SPSB1: variants seen among roughly 807,000 people sequenced by gnomAD.
SPSB1 encodes the protein SPRY domain-containing SOCS box protein 1.
In SPSB1, 8 loss-of-function variants were observed where a neutral mutation model predicts 21.2. That is an observed-to-expected ratio of 0.38 (90% CI 0.22 to 0.68). The LOEUF is 0.68. Among genes scored for constraint, SPSB1 ranks in the 30% least tolerant of loss-of-function variants. SPSB1 has a pLI of 0.53. For synonymous variants in SPSB1, 169 were observed against 161.7 expected (o/e 1.05, Z -0.34); for missense variants, 242 against 377.8 (o/e 0.64, Z 2.98).
At chr1:9,351,777 A>T (rs974568652) in intron 1 of SPSB1, among the ~76,000 whole-genome samples, 2 of 152,214 alleles carry the variant, frequency 1.3e-5, no homozygotes, top group African/African-American at 4.8e-5. Flanking sequence ...CTTTAACCAT[A>T]GCCTGGACAC....
chr1:9,320,528 T>C (rs1283354132), intron 1 of SPSB1, among the ~76,000 whole-genome samples: 1 of 152,332 alleles, frequency 6.6e-6, no homozygotes, highest in East Asian at 1.9e-4. Context: ...AGATGTTTTG[T>C]GTATAGTGGC....
intron 1 of SPSB1, among the ~76,000 whole-genome samples, chr1:9,352,504 G>A (rs1369384128): frequency 2.0e-5 from 3 of 152,276 alleles, no homozygotes; most frequent in South Asian, 4.1e-4. Context: ...GCTTTTGTGC[G>A]ACAACAGCAG....
chr1:9,299,460 G>A (rs1222564098), intron 1 of SPSB1, among the ~76,000 whole-genome samples: 2 of 151,180 alleles, frequency 1.3e-5, no homozygotes, highest in Non-Finnish European at 1.5e-5. Flanking sequence ...GCAACACAGT[G>A]AGACGTCATC....
intron 1 of SPSB1, among the ~76,000 whole-genome samples, chr1:9,313,234 T>TA (rs1371872913): frequency 5.9e-5 from 9 of 151,800 alleles, no homozygotes; most frequent in Non-Finnish European, 8.8e-5. Context: ...CTGTCTCTAC[T>TA]AAAAAAATAC....
intron 1 of SPSB1, among the ~76,000 whole-genome samples, chr1:9,349,403 AG>A (rs1182336693): frequency 6.6e-6 from 1 of 152,220 alleles, no homozygotes; most frequent in African/African-American, 2.4e-5. Context: ...GTGCCGGGCC[AG>A]GAGTGGGGGT....
At chr1:9,316,499 G>T (rs1012996489) in intron 1 of SPSB1, among the ~76,000 whole-genome samples, 1 of 152,224 alleles carries the variant, frequency 6.6e-6, no homozygotes, top group Admixed American at 6.5e-5. Flanking sequence ...GTAGGGCAGG[G>T]TCCTAGGGGG....
chr1:9,333,208 C>A (rs1207268430), intron 1 of SPSB1, among the ~76,000 whole-genome samples: 1 of 152,222 alleles, frequency 6.6e-6, no homozygotes, highest in Non-Finnish European at 1.5e-5. Flanking sequence ...AGCCATCTGT[C>A]ACTTCCTGGA....
At chr1:9,318,932 G>A (rs1639659449) in intron 1 of SPSB1, among the ~76,000 whole-genome samples, 1 of 152,144 alleles carries the variant, frequency 6.6e-6, no homozygotes, top group African/African-American at 2.4e-5. Flanking sequence ...GCTCACACCT[G>A]TAATCCCAGT....
chr1:9,331,088 TC>T (rs2100492426), intron 1 of SPSB1, among the ~76,000 whole-genome samples: 1 of 152,320 alleles, frequency 6.6e-6, no homozygotes, highest in African/African-American at 2.4e-5. Flanking sequence ...CCTTTCATAT[TC>T]TGTCGTGCTC....
intron 1 of SPSB1, among the ~76,000 whole-genome samples, chr1:9,311,860 C>T (rs1049373000): frequency 2.6e-5 from 4 of 152,048 alleles, no homozygotes; most frequent in Admixed American, 6.5e-5. Context: ...GGCACTGAGC[C>T]CTGTTTCATC....
In SPSB1 at chr1:9,355,864, C is replaced by T. The variant is rs1039777853; in HGVS notation, c.-28C>T. On this transcript the variant is annotated 5_prime_UTR_variant, in exon 2 of 3. Transcript: ENST00000328089. ...AGATTGATGAGTTTGCCTTGGGAGT[C>T]GGTAAGAAGGTGAAGCCAGGGGCGA... is the stretch of plus-strand genomic sequence containing the variant. The T allele has an allele frequency of 7.9e-6, 12 of 1,521,876 alleles. No individual in the cohort carries two copies. In the East Asian group the frequency reaches 1.1e-4, roughly 14 times the overall value. 94.3% of individuals were successfully genotyped at this position (1,521,876 alleles called of 1,614,324 possible). A position where few individuals can be genotyped will look rare whatever the true frequency, so the allele number is the denominator to read the frequency against.
chr1:9,300,194 G>A (rs768184249), intron 1 of SPSB1, among the ~76,000 whole-genome samples: 1 of 152,196 alleles, frequency 6.6e-6, no homozygotes, highest in Non-Finnish European at 1.5e-5. Flanking sequence ...CTAAGGTGAA[G>A]AATAAGTTGT....
chr1:9,323,222 G>A (rs1639752933), intron 1 of SPSB1, among the ~76,000 whole-genome samples: 1 of 152,244 alleles, frequency 6.6e-6, no homozygotes, highest in Admixed American at 6.5e-5. Flanking sequence ...AAGTGCCCTG[G>A]CTGGGCTGGC....
In SPSB1 at chr1:9,367,440, C is replaced by T; in HGVS notation, c.695-8C>T. On this transcript the variant is annotated splice_region_variant and splice_polypyrimidine_tract_variant and intron_variant, in intron 2 of 2. Transcript: ENST00000328089. This position sits in a 1 kb window ranked among gnomAD's most constrained non-coding sequence, Gnocchi z 5.9. ...CTGCGCTGACCTGCAGTTTCTCTGT[C>T]TCCCCAGCCGAGCCGCTGCCGCTCA... 1 of 1,613,330 alleles carries T rather than the reference C, an allele frequency of 6.2e-7. No homozygotes were observed. Among genetic ancestry groups the T allele is most frequent in the Non-Finnish European group, 8.5e-7 (1 of 1,179,954 alleles).
In SPSB1 at chr1:9,355,849, G is replaced by A. The variant is rs1453756610; in HGVS notation, c.-43G>A. The A allele has an allele frequency of 6.6e-7, 1 of 1,518,144 alleles. No homozygotes were observed. The highest frequency in any genetic ancestry group is 2.3e-5 in the East Asian group (1 of 43,906). The allele number at this position is 1,518,144 out of a possible 1,614,324, so 94.0% of individuals were successfully genotyped here. ...GGAGACGAGACCACGAGATTGATGAGTTTGCCTTGGGAGTCGGTAAGAAGG... is the reference window on the plus strand; with the variant it reads ...GGAGACGAGACCACGAGATTGATGAATTTGCCTTGGGAGTCGGTAAGAAGG... On this transcript the variant is annotated 5_prime_UTR_variant, in exon 2 of 3. Coordinates refer to ENST00000328089, the MANE Select transcript of SPSB1 (RefSeq NM_025106.4).
Position 9,321,709 on chromosome 1 carries a change from A to AC in SPSB1, c.-150+28640dup, listed in dbSNP as rs1288145427. 1.8e-4 allele frequency among the ~76,000 whole-genome samples: 27 copies of AC among 151,940 alleles called. No homozygotes were observed. The highest frequency in any genetic ancestry group is 1.6e-3 in the Admixed American group (25 of 15,264). On this transcript the variant is annotated intron_variant, in intron 1 of 2. Coordinates refer to ENST00000328089, the MANE Select transcript of SPSB1 (RefSeq NM_025106.4). The surrounding 1 kb of genome is among the most constrained non-coding windows in gnomAD (Gnocchi z 4.8). The stretch of plus-strand genomic sequence containing the variant: ...ACTGTAATGTGCCCTTGACTCCAGG[A>AC]CCAGCCTGATGGCAGAGATCTTAAG...
At chr1:9,347,618 T>A (rs1165903795) in intron 1 of SPSB1, among the ~76,000 whole-genome samples, 1 of 152,250 alleles carries the variant, frequency 6.6e-6, no homozygotes, top group Non-Finnish European at 1.5e-5. Flanking sequence ...GCTTTACAAA[T>A]GCGACAGCAT....
intron 1 of SPSB1, among the ~76,000 whole-genome samples, chr1:9,306,958 C>T (rs1301729763): frequency 5.9e-4 from 86 of 146,242 alleles, no homozygotes; most frequent in Admixed American, 1.0e-3. Context: ...AGTGGAATCT[C>T]GCTCTGTCAT....
At chr1:9,311,630 G>C (rs1010642335) in intron 1 of SPSB1, among the ~76,000 whole-genome samples, 1 of 152,054 alleles carries the variant, frequency 6.6e-6, no homozygotes, top group Non-Finnish European at 1.5e-5. Context: ...TTTTTATGGG[G>C]CAGGGGAGCA....
Sources: gnomAD v4.1 joint callset for allele counts (sites outside exome capture counted in the v4.1 genomes callset) on GRCh38, gnomAD v4.1.1 for gene constraint, Gnocchi (gnomAD v3.1) non-coding constraint, MANE v1.5 for transcripts, NCBI Gene and HGNC (gene_info 2026-07-23, HGNC 2026-07-21) for gene names.